ADARB1: variants seen among roughly 807,000 people sequenced by gnomAD.
ADARB1 encodes the protein double-stranded RNA-specific editase 1.
A neutral mutation model predicts 52.4 loss-of-function variants in ADARB1; 10 were observed. That is an observed-to-expected ratio of 0.19 (90% CI 0.12 to 0.32). The LOEUF (loss-of-function observed/expected upper bound fraction) is 0.32. Among genes scored for constraint, ADARB1 ranks in the 10% least tolerant of loss-of-function variants. The probability of loss-of-function intolerance (pLI) is 1.00; values close to 1 mark genes in which losing one functional copy is unlikely to be tolerated. For synonymous variants in ADARB1, 349 were observed against 371.1 expected (o/e 0.94, Z 0.68); for missense variants, 643 against 922.3 (o/e 0.70, Z 3.92).
intron 2 of ADARB1, among the ~76,000 whole-genome samples, chr21:45,168,511 T>A (rs1456308048): frequency 6.6e-6 from 1 of 152,240 alleles, no homozygotes; most frequent in East Asian, 1.9e-4. Flanking sequence ...GAGACCTGAA[T>A]TGAGGTTCAT....
chr21:45,193,869 G>A (rs1316577661), intron 8 of ADARB1, among the ~76,000 whole-genome samples: 4 of 152,130 alleles, frequency 2.6e-5, no homozygotes, highest in African/African-American at 9.7e-5. Context: ...GTCACTGGTT[G>A]GAAAACTCAT....
At chr21:45,096,053 G>C (rs1362843708) in intron 1 of ADARB1, among the ~76,000 whole-genome samples, 5 of 152,234 alleles carry the variant, frequency 3.3e-5, no homozygotes, top group African/African-American at 1.2e-4. Context: ...AGCAACTGGA[G>C]AAAGTGGCTG....
intron 8 of ADARB1, among the ~76,000 whole-genome samples, chr21:45,185,326 G>A (rs73232669): frequency 0.032 from 4,907 of 152,306 alleles, 111 homozygotes; most frequent in Middle Eastern, 0.048. Context: ...CTATCCAAGC[G>A]TCTCAGAGTT....
chr21:45,186,916 T>C (rs928765559), intron 8 of ADARB1, among the ~76,000 whole-genome samples: 2 of 152,224 alleles, frequency 1.3e-5, no homozygotes, highest in African/African-American at 4.8e-5. Flanking sequence ...TGTCATGCTG[T>C]TTTGATTACT....
chr21:45,170,901 G>C (rs2091454126), intron 2 of ADARB1, among the ~76,000 whole-genome samples: 2 of 152,214 alleles, frequency 1.3e-5, no homozygotes, highest in South Asian at 4.2e-4. Context: ...ATTTCCTGTG[G>C]TTTCTCCTGC....
chr21:45,162,794 C>G (rs1421697038), intron 2 of ADARB1, among the ~76,000 whole-genome samples: 1 of 152,206 alleles, frequency 6.6e-6, no homozygotes, highest in Non-Finnish European at 1.5e-5. Context: ...GAGAGACTCT[C>G]AGCTCACAGC....
intron 2 of ADARB1, among the ~76,000 whole-genome samples, chr21:45,149,218 G>A (rs970504334): frequency 6.6e-6 from 1 of 152,170 alleles, no homozygotes; most frequent in African/African-American, 2.4e-5. Flanking sequence ...CTCCACACTT[G>A]CCTTACTCTA....
At chr21:45,175,629 CACTT>C in intron 3 of ADARB1, 97 bp from the exon 4 acceptor site, 1 of 1,177,986 alleles carries the variant, frequency 8.5e-7, no homozygotes, top group South Asian at 1.4e-5. Context: ...AAGCACACAT[CACTT>C]AACCAGTTAC....
At chr21:45,174,247 T>C (rs2091598535) in intron 3 of ADARB1, among the ~76,000 whole-genome samples, 1 of 152,216 alleles carries the variant, frequency 6.6e-6, no homozygotes, top group Admixed American at 6.5e-5. Context: ...TGAAATCTAG[T>C]GGTAGATGTC....
rs1035564809 is a variant in ADARB1 at position 45,086,382 on chromosome 21, GAC to G, written c.-220+11591_-220+11592del. ...CCATGAAATGCACCCTCTCTAAGAG[GAC>G]AATTCAGTGATTTTCTGAATGTCTG... On this transcript the variant is annotated intron_variant, in intron 1 of 10. Coordinates refer to ENST00000348831, the MANE Select transcript of ADARB1 (RefSeq NM_001112.4). 8.1e-4 allele frequency among the ~76,000 whole-genome samples: 123 copies of G among 152,164 alleles called. 2 individuals are homozygous for G. The highest frequency in any genetic ancestry group is 2.6e-4 in the Admixed American group (4 of 15,278).
chr21:45,147,712 C>T (rs917699831), intron 2 of ADARB1, among the ~76,000 whole-genome samples: 1 of 152,204 alleles, frequency 6.6e-6, no homozygotes, highest in Non-Finnish European at 1.5e-5. Context: ...TCGTGCCCCG[C>T]GTGTTGCTCA....
chr21:45,127,702 C>G (rs78355238), intron 1 of ADARB1, among the ~76,000 whole-genome samples: 1 of 152,082 alleles, frequency 6.6e-6, no homozygotes, highest in African/African-American at 2.4e-5. Flanking sequence ...CTCAGAAACC[C>G]GCTCACCCCT....
chr21:45,086,126 G>A (rs181825989), intron 1 of ADARB1, among the ~76,000 whole-genome samples: 6 of 152,268 alleles, frequency 3.9e-5, no homozygotes, highest in African/African-American at 1.2e-4. Flanking sequence ...GGGATAGGGC[G>A]GTGCTGTTGG....
chr21:45,129,785 G>C (rs2145835328), intron 2 of ADARB1, among the ~76,000 whole-genome samples: 1 of 152,294 alleles, frequency 6.6e-6, no homozygotes, highest in African/African-American at 2.4e-5. Flanking sequence ...AGCCTAGGGG[G>C]GACGCCGTCT....
intron 9 of ADARB1, among the ~76,000 whole-genome samples, chr21:45,216,359 A>C (rs2092862969): frequency 6.6e-6 from 1 of 151,874 alleles, no homozygotes; most frequent in Non-Finnish European, 1.5e-5. Flanking sequence ...TGGTGTTTCA[A>C]TTGCCCATCT....
At chr21:45,191,881 T>TATATATATATA (rs1491137142) in intron 8 of ADARB1, among the ~76,000 whole-genome samples, 9 of 9,850 alleles carry the variant, frequency 9.1e-4, no homozygotes, top group African/African-American at 2.4e-3. Flanking sequence ...TATATATATA[T>TATATATATATA]TTTTTTTTTT....
At chr21:45,206,954 C>CAGCAGAG (rs2092680203) in intron 9 of ADARB1, among the ~76,000 whole-genome samples, 1 of 152,196 alleles carries the variant, frequency 6.6e-6, no homozygotes, top group Non-Finnish European at 1.5e-5. Context: ...CTGTGCCGAG[C>CAGCAGAG]TGATTCAGCA....
chr21:45,204,834 G>T lies in ADARB1; in HGVS notation c.1747+98G>T. ...AAAACACCACCTGAGCTGCTCTGTGGCTATCAAAAGAACATCAGAGTCCTT... is the reference window on the plus strand; with the variant it reads ...AAAACACCACCTGAGCTGCTCTGTGTCTATCAAAAGAACATCAGAGTCCTT... On this transcript the variant is annotated intron_variant, in intron 9 of 10. Coordinates refer to ENST00000348831, the MANE Select transcript of ADARB1 (RefSeq NM_001112.4). This position sits in a 1 kb window ranked among gnomAD's most constrained non-coding sequence, Gnocchi z 4.4. 7.7e-7 allele frequency: 1 copy of T among 1,305,426 alleles called. No homozygotes were observed. The allele number at this position is 1,305,426 out of a possible 1,614,324, so 80.9% of individuals were successfully genotyped here.
chr21:45,109,342 G>T (rs745977858), intron 1 of ADARB1, among the ~76,000 whole-genome samples: 13 of 152,236 alleles, frequency 8.5e-5, no homozygotes, highest in African/African-American at 3.1e-4. Context: ...GTGTGTGCAC[G>T]TGTGTGTCCC....
Sources: allele counts gnomAD v4.1 joint callset (sites outside exome capture counted in the v4.1 genomes callset), GRCh38; gene constraint gnomAD v4.1.1; non-coding constraint Gnocchi (gnomAD v3.1); transcripts MANE v1.5; gene names NCBI Gene and HGNC (gene_info 2026-07-23, HGNC 2026-07-21).